HHIP: variants seen among roughly 807,000 people sequenced by gnomAD.
HHIP encodes hedgehog interacting protein.
In HHIP, 12 loss-of-function variants were observed where a neutral mutation model predicts 74.0. That is an observed-to-expected ratio of 0.16 (90% CI 0.10 to 0.26). HHIP has a LOEUF of 0.26. Among genes scored for constraint, HHIP ranks in the 10% least tolerant of loss-of-function variants. The probability of loss-of-function intolerance (pLI) is 1.00; values close to 1 mark genes in which losing one functional copy is unlikely to be tolerated. For missense variants in HHIP, 788 were observed against 845.0 expected, an observed-to-expected ratio of 0.93 and a Z score of 0.84; for synonymous variants, 309 against 311.6, an observed-to-expected ratio of 0.99 and a Z score of 0.09.
chr4:144,737,815 A>G lies in HHIP; in HGVS notation c.1961A>G (p.Lys654Arg). The G allele has an allele frequency of 7.4e-6, 12 of 1,613,808 alleles. No individual in the cohort carries two copies. The highest frequency in any genetic ancestry group is 1.0e-5 in the Non-Finnish European group (12 of 1,179,782). ...GGAGGTGTCTGTGTTAGACCGAACA[A>G]GTGCCTCTGTAAAAAAGGATATCTT... ...RHGGVCVRPNKCLCKKGYLGP... is the reference protein window; with the variant it reads ...RHGGVCVRPNRCLCKKGYLGP... The change falls in exon 13 of 13, where the codon AAG (lysine) becomes AGG (arginine). Residue 654 changes from lysine to arginine, a missense_variant. Transcript: ENST00000296575.
intron 7 of HHIP, 49 bp downstream of exon 7, chr4:144,708,360 TC>T: frequency 1.2e-6 from 2 of 1,601,160 alleles, no homozygotes; most frequent in Non-Finnish European, 8.5e-7. Context: ...CAGGCGGGGA[TC>T]CGAGAACTGG....
rs201251893 is a variant in HHIP at position 144,715,382 on chromosome 4, A to G, written c.1630A>G (p.Arg544Gly). ...PLCLGTSGSC[R>G]GYFSGHILGF... The stretch of plus-strand genomic sequence containing the variant: ...CTGTCTCGGCACTAGTGGGTCCTGT[A>G]GAGGCTACTTTTCCGGTCACATCTT... Residue 544 changes from arginine to glycine, a missense_variant, in exon 10 of 13, where the codon AGA (arginine) becomes GGA (glycine). Arg to Gly is a moderately radical substitution (Grantham distance 125). Coordinates refer to ENST00000296575, the MANE Select transcript of HHIP (RefSeq NM_022475.3). 4 of 1,613,590 alleles carry G rather than the reference A, an allele frequency of 2.5e-6. No homozygotes were observed. Among genetic ancestry groups the G allele is most frequent in the Non-Finnish European group, 3.4e-6 (4 of 1,179,584 alleles).
intron 10 of HHIP, chr4:144,715,730 T>C (rs1287440913): frequency 5.5e-6 from 1 of 181,008 alleles, no homozygotes; most frequent in African/African-American, 2.4e-5. Context: ...AAATGTTTAA[T>C]GATATTTTTG....
intron 4 of HHIP, among the ~76,000 whole-genome samples, chr4:144,674,381 T>C (rs1729121665): frequency 6.6e-6 from 1 of 152,208 alleles, no homozygotes; most frequent in South Asian, 2.1e-4. Context: ...AGGAGACTTG[T>C]TTTAATCAGG....
chr4:144,671,381 GCAAA>G (rs891594956), intron 4 of HHIP, among the ~76,000 whole-genome samples: 19 of 151,588 alleles, frequency 1.3e-4, no homozygotes, highest in East Asian at 9.7e-4. Context: ...AGACTTCTGG[GCAAA>G]CAAACAAACA....
chr4:144,682,258 A>G (rs566691183), intron 4 of HHIP, among the ~76,000 whole-genome samples: 1 of 152,354 alleles, frequency 6.6e-6, no homozygotes, highest in East Asian at 1.9e-4. Flanking sequence ...ACATACTCTG[A>G]AAGTTAGACA....
At chr4:144,664,448 G>C (rs1728802866) in intron 4 of HHIP, among the ~76,000 whole-genome samples, 1 of 152,192 alleles carries the variant, frequency 6.6e-6, no homozygotes, top group Non-Finnish European at 1.5e-5. Context: ...AACCATGGAG[G>C]CTGATGTTCC....
chr4:144,716,854 GAAAAAAAAAAAAAAAAAA>G lies in HHIP; in HGVS notation c.1678+1441_1678+1458del, dbSNP rs869028218. On this transcript the variant is annotated intron_variant, in intron 10 of 12. Transcript: ENST00000296575. ...ACATGAGCAAAACTCCGTCTCAAAA[GAAAAAAAAAAAAAAAAAA>G]AAAAAAAAAAAAAAAAGTAAAAGAA... 2.5e-3 allele frequency among the ~76,000 whole-genome samples: 136 copies of G among 54,662 alleles called. 3 individuals carry two copies. The highest frequency in any genetic ancestry group is 6.9e-3 in the East Asian group (10 of 1,450). 35.9% of individuals were successfully genotyped at this position (54,662 alleles called of 152,430 possible). A position where few individuals can be genotyped will look rare whatever the true frequency, so the allele number is the denominator to read the frequency against.
chr4:144,659,703 C>T lies in HHIP; in HGVS notation c.696C>T (p.Ala232=), dbSNP rs200782220. 11 of 1,597,206 alleles carry T rather than the reference C, an allele frequency of 6.9e-6. No homozygotes were observed. The African/African-American group carries it at 1.2e-4, about 18-fold the overall frequency. ...VVSGLRQPVG[A]LHSGDGSQRL... ...GTGGGCTGCGGCAGCCCGTTGGTGC[C>T]CTGCATAGTGGGGATGGCTCGCAAC... Residue 232 remains alanine (A), a synonymous_variant, in exon 4 of 13, where the codon GCC becomes GCT. Coordinates refer to ENST00000296575, the MANE Select transcript of HHIP (RefSeq NM_022475.3).
At chr4:144,730,918 A>G (rs1730938069) in intron 11 of HHIP, among the ~76,000 whole-genome samples, 1 of 152,142 alleles carries the variant, frequency 6.6e-6, no homozygotes, top group South Asian at 2.1e-4. Context: ...TAATGTGTTG[A>G]CTTAATTCCC....
Position 144,723,651 on chromosome 4 carries a change from C to T in HHIP, c.1760+4695C>T, listed in dbSNP as rs193285928. On this transcript the variant is annotated intron_variant, in intron 11 of 12. Transcript: ENST00000296575. ...CCCACAGTGCCTGTTGACCCAGCTG[C>T]CAAGTCCTCTTGCAGCAGGTGGTGT... 8.7e-4 allele frequency among the ~76,000 whole-genome samples: 132 copies of T among 152,300 alleles called. 2 individuals are homozygous for T. The highest frequency in any genetic ancestry group is 1.3e-4 in the Non-Finnish European group (9 of 68,024).
At chr4:144,657,829 ACACATTAAT>A (rs1728594441) in intron 2 of HHIP, among the ~76,000 whole-genome samples, 1 of 152,176 alleles carries the variant, frequency 6.6e-6, no homozygotes, top group Admixed American at 6.5e-5. Flanking sequence ...TTTTTCTATT[ACACATTAAT>A]CATTATCTCC....
intron 12 of HHIP, among the ~76,000 whole-genome samples, chr4:144,736,454 C>T: frequency 6.6e-6 from 1 of 152,064 alleles, no homozygotes; most frequent in African/African-American, 2.4e-5. Flanking sequence ...CTTTTAGTAA[C>T]AGAATATAAC....
rs993775726 is a variant in HHIP, at chr4:144,742,033, G to A, written c.*4076G>A. On this transcript the variant is annotated 3_prime_UTR_variant, in exon 13 of 13. Transcript: ENST00000296575. Reference sequence around the variant, plus strand: ...TCTCTCGGCTAATATATATGTGTATGTGTATATATATATGTATGTATATAT... The same window carrying A: ...TCTCTCGGCTAATATATATGTGTATATGTATATATATATGTATGTATATAT... The A allele has an allele frequency of 1.1e-3, 19 of 17,414 alleles. No homozygotes were observed. The highest frequency in any genetic ancestry group is 1.8e-3 in the African/African-American group (15 of 8,252). The allele number at this position is 17,414 out of a possible 1,614,324, so 1.1% of individuals were successfully genotyped here. A position where few individuals can be genotyped will look rare whatever the true frequency, so the allele number is the denominator to read the frequency against.
At chr4:144,654,044 T>C (rs376374741) in intron 2 of HHIP, among the ~76,000 whole-genome samples, 1 of 152,290 alleles carries the variant, frequency 6.6e-6, no homozygotes, top group East Asian at 1.9e-4. Context: ...CTTCAAGTCT[T>C]GAACATTTGC....
chr4:144,651,585 T>C (rs1469263054), intron 1 of HHIP, among the ~76,000 whole-genome samples: 1 of 151,990 alleles, frequency 6.6e-6, no homozygotes, highest in East Asian at 1.9e-4. Flanking sequence ...TATAGATGAA[T>C]TGGGAAAAGG....
At chr4:144,651,061 T>C (rs1032552154) in intron 1 of HHIP, 5 of 152,146 alleles carry the variant, frequency 3.3e-5, no homozygotes, top group Non-Finnish European at 7.4e-5. Context: ...AGAATTGCTA[T>C]ATGATAAACA....
At chr4:144,731,407 T>C (rs899676593) in intron 11 of HHIP, among the ~76,000 whole-genome samples, 11 of 152,126 alleles carry the variant, frequency 7.2e-5, no homozygotes, top group Non-Finnish European at 1.6e-4. Context: ...ATAAATTCAA[T>C]TTAATTTATT....
intron 4 of HHIP, among the ~76,000 whole-genome samples, chr4:144,702,893 A>T (rs1730025548): frequency 6.6e-6 from 1 of 152,182 alleles, no homozygotes; most frequent in African/African-American, 2.4e-5. Flanking sequence ...AAGAATAAAC[A>T]TTTTGGACAT....
Sources: allele counts gnomAD v4.1 joint callset (sites outside exome capture counted in the v4.1 genomes callset), GRCh38; gene constraint gnomAD v4.1.1; transcripts MANE v1.5; gene names NCBI Gene and HGNC (gene_info 2026-07-23, HGNC 2026-07-21).